STPG2: variants seen among roughly 807,000 people sequenced by gnomAD.
STPG2 encodes the protein sperm-tail PG-rich repeat-containing protein 2.
In STPG2, 56 loss-of-function variants were observed where a neutral mutation model predicts 54.2. That is an observed-to-expected ratio of 1.03 (90% CI 0.83 to 1.29). The LOEUF is 1.29. Ranked by LOEUF, STPG2 falls within the 50% of genes most tolerant of loss-of-function variation. STPG2 has a pLI of 0.00. For synonymous variants in STPG2, 200 were observed against 181.8 expected, an observed-to-expected ratio of 1.10 and a Z score of -0.81; for missense variants, 596 against 544.9, an observed-to-expected ratio of 1.09 and a Z score of -0.93.
At chr4:97,948,579 A>G (rs1451770160) in intron 7 of STPG2, among the ~76,000 whole-genome samples, 1 of 151,978 alleles carries the variant, frequency 6.6e-6, no homozygotes, top group Non-Finnish European at 1.5e-5. Context: ...TTAGCACTGC[A>G]TTTGCTGTAT....
chr4:97,516,669 CA>C (rs113398459), intron 4 of STPG2, among the ~76,000 whole-genome samples: 6 of 151,484 alleles, frequency 4.0e-5, no homozygotes, highest in African/African-American at 1.5e-4. Context: ...ACTAAAAATA[CA>C]AAAAAAATTT....
At chr4:97,852,523 T>C (rs1248207780) in intron 8 of STPG2, among the ~76,000 whole-genome samples, 1 of 152,198 alleles carries the variant, frequency 6.6e-6, no homozygotes, top group Non-Finnish European at 1.5e-5. Context: ...TGTGAGATTG[T>C]CAGTGAGACG....
chr4:97,945,036 C>T (rs550235533), intron 7 of STPG2, among the ~76,000 whole-genome samples: 1 of 152,218 alleles, frequency 6.6e-6, no homozygotes, highest in African/African-American at 2.4e-5. Context: ...TTGTTTGAAG[C>T]TGAAAAATAA....
intron 4 of STPG2, among the ~76,000 whole-genome samples, chr4:97,518,892 C>G (rs561780698): frequency 6.6e-6 from 1 of 152,044 alleles, no homozygotes; most frequent in East Asian, 1.9e-4. Context: ...CAATCTGATG[C>G]TAATGCCAGG....
chr4:97,769,888 A>G (rs981997182), intron 9 of STPG2, among the ~76,000 whole-genome samples: 6 of 152,170 alleles, frequency 3.9e-5, no homozygotes, highest in Non-Finnish European at 8.8e-5. Context: ...TGGAGGTGGC[A>G]TACTAATAAT....
intron 4 of STPG2, among the ~76,000 whole-genome samples, chr4:97,541,307 GC>G (rs1276260583): frequency 6.6e-6 from 1 of 152,034 alleles, no homozygotes; most frequent in Non-Finnish European, 1.5e-5. Flanking sequence ...AAAATCACAA[GC>G]ATTCTTATAC....
At chr4:97,562,308 C>G (rs578210366) in intron 10 of STPG2, among the ~76,000 whole-genome samples, 1 of 152,260 alleles carries the variant, frequency 6.6e-6, no homozygotes, top group African/African-American at 2.4e-5. Flanking sequence ...TGAGACTTTG[C>G]TGAAGTTGCT....
chr4:97,950,584 A>G (rs1400893229), intron 7 of STPG2, among the ~76,000 whole-genome samples: 1 of 152,026 alleles, frequency 6.6e-6, no homozygotes, highest in Non-Finnish European at 1.5e-5. Flanking sequence ...GTTTTCTGGT[A>G]TTTCCAAGAT....
At chr4:97,904,954 T>C (rs1489276379) in intron 8 of STPG2, among the ~76,000 whole-genome samples, 1 of 152,000 alleles carries the variant, frequency 6.6e-6, no homozygotes, top group Admixed American at 6.6e-5. Context: ...TATGGGACTA[T>C]GTGAAAAGAC....
intron 9 of STPG2, among the ~76,000 whole-genome samples, chr4:97,742,519 CTG>C (rs150619013): frequency 0.3 from 36,921 of 124,638 alleles, 5,659 homozygotes; most frequent in South Asian, 0.39. Context: ...AATGAATAAA[CTG>C]TGTGTGTGTG....
intron 5 of STPG2, among the ~76,000 whole-genome samples, chr4:98,074,818 C>T (rs111588801): frequency 6.6e-6 from 1 of 152,172 alleles, no homozygotes; most frequent in South Asian, 2.1e-4. Context: ...AATTCTTCAT[C>T]TCTTTCCTAA....
intron 5 of STPG2, among the ~76,000 whole-genome samples, chr4:98,035,473 T>C (rs143316362): frequency 2.0e-3 from 302 of 152,150 alleles, no homozygotes; most frequent in African/African-American, 7.2e-3. Context: ...TGTGGAGAAA[T>C]AGGAACGCTC....
intron 5 of STPG2, among the ~76,000 whole-genome samples, chr4:98,104,825 C>A (rs770575296): frequency 1.2e-4 from 19 of 152,138 alleles, no homozygotes; most frequent in Non-Finnish European, 1.2e-4. Context: ...TAGAAAGGAA[C>A]ACACTAAGAA....
intron 10 of STPG2, among the ~76,000 whole-genome samples, chr4:97,601,491 C>T (rs926481788): frequency 4.6e-5 from 7 of 151,570 alleles, no homozygotes; most frequent in Non-Finnish European, 7.4e-5. Context: ...CTTTTTTTCC[C>T]GTATGGGTGA....
At chr4:97,939,421 T>C (rs760094434) in intron 8 of STPG2, among the ~76,000 whole-genome samples, 3 of 152,122 alleles carry the variant, frequency 2.0e-5, no homozygotes, top group Non-Finnish European at 1.5e-5. Flanking sequence ...TGAAGTCTTA[T>C]TGTGTGGGAG....
intron 5 of STPG2, among the ~76,000 whole-genome samples, chr4:98,055,489 G>A (rs1578817737): frequency 6.6e-6 from 1 of 152,286 alleles, no homozygotes; most frequent in African/African-American, 2.4e-5. Flanking sequence ...ACAGCACTGA[G>A]GGAATGGGTG....
At chr4:97,679,458 C>A (rs1722958363) in intron 10 of STPG2, among the ~76,000 whole-genome samples, 1 of 151,974 alleles carries the variant, frequency 6.6e-6, no homozygotes, top group Non-Finnish European at 1.5e-5. Context: ...CCTTTGCCCA[C>A]TTTTTGATGG....
intron 3 of STPG2, among the ~76,000 whole-genome samples, chr4:98,125,569 C>T (rs906489009): frequency 7.2e-5 from 11 of 152,078 alleles, no homozygotes; most frequent in Admixed American, 1.3e-4. Context: ...CAGAGGGCAC[C>T]GACCTGATGC....
At position 97,712,773 on chromosome 4, in the gene STPG2, T is replaced by G; in HGVS notation, c.1246A>C (p.Ile416Leu). The G allele has an allele frequency of 6.2e-7, 1 of 1,608,556 alleles. No homozygotes were observed. Among genetic ancestry groups the G allele is most frequent in the South Asian group, 1.1e-5 (1 of 90,296 alleles). Residue 416 changes from isoleucine (I) to leucine (L), a missense_variant, in exon 10 of 11, where the codon ATA (isoleucine) becomes CTA (leucine). Ile to Leu is a conservative substitution (Grantham distance 5). Transcript: ENST00000295268. ...TTTGATGCTTTCACAAATAAGGGTA[T>G]GGGGCAAGATTTCCTTAAAACAGGA... ...YNPVLRKSCP[I>L]PLFVKASKRF...
Sources: allele counts gnomAD v4.1 joint callset (sites outside exome capture counted in the v4.1 genomes callset), GRCh38; gene constraint gnomAD v4.1.1; transcripts MANE v1.5; gene names NCBI Gene and HGNC (gene_info 2026-07-23, HGNC 2026-07-21).